Variants in RARB observed in about 807,000 individuals in gnomAD.
RARB encodes the protein HBV-activated protein.
Under a neutral mutation model 51.9 loss-of-function variants are expected in RARB, and 17 were observed. The observed-to-expected ratio is 0.33, with a 90% CI of 0.22 to 0.49. The LOEUF (loss-of-function observed/expected upper bound fraction) is 0.49, where lower values mean the gene tolerates loss of function less well. Ranked by LOEUF, RARB falls within the 20% of genes least tolerant of loss-of-function variation. The pLI is 0.99. For missense variants in RARB, 369 were observed against 550.8 expected (o/e 0.67, Z 3.30); for synonymous variants, 215 against 195.4 (o/e 1.10, Z -0.84).
At chr3:25,477,283 A>G (rs1696000837) in intron 2 of RARB, among the ~76,000 whole-genome samples, 1 of 152,182 alleles carries the variant, frequency 6.6e-6, no homozygotes, top group Admixed American at 6.5e-5. Context: ...CTAGCTGCCT[A>G]TTGCCATGCT....
intron 2 of RARB, among the ~76,000 whole-genome samples, chr3:25,040,678 G>T (rs1698094408): frequency 6.6e-6 from 1 of 152,036 alleles, no homozygotes; most frequent in South Asian, 2.1e-4. Context: ...GCTTGAACCT[G>T]GGAGGCGGAG....
intron 2 of RARB, among the ~76,000 whole-genome samples, chr3:24,885,031 C>A (rs1703242119): frequency 6.6e-6 from 1 of 152,086 alleles, no homozygotes; most frequent in Non-Finnish European, 1.5e-5. Context: ...TTAGAAGGAC[C>A]TTGACGATTT....
intron 3 of RARB, among the ~76,000 whole-genome samples, chr3:25,558,591 G>A (rs935930295): frequency 2.2e-5 from 3 of 137,764 alleles, no homozygotes; most frequent in East Asian, 2.1e-4. Flanking sequence ...CCTCGCTTAC[G>A]ACTTCAACAG....
chr3:25,407,874 T>C (rs1188122833), intron 5 of RARB, among the ~76,000 whole-genome samples: 1 of 152,150 alleles, frequency 6.6e-6, no homozygotes, highest in Non-Finnish European at 1.5e-5. Context: ...GGATAAATCC[T>C]CAAGCTCTCT....
chr3:25,172,307 A>C (rs1421400069), intron 4 of RARB, among the ~76,000 whole-genome samples: 1 of 152,196 alleles, frequency 6.6e-6, no homozygotes, highest in Non-Finnish European at 1.5e-5. Context: ...GCAGAGGGGC[A>C]AGAGCAGAGA....
intron 3 of RARB, among the ~76,000 whole-genome samples, chr3:25,129,336 G>A (rs74852370): frequency 0.021 from 3,224 of 152,086 alleles, 86 homozygotes; most frequent in African/African-American, 0.065. Flanking sequence ...TAAAGCATCA[G>A]TTACAATTAC....
chr3:25,338,272 C>G (rs1575323376), intron 5 of RARB, among the ~76,000 whole-genome samples: 1 of 152,256 alleles, frequency 6.6e-6, no homozygotes, highest in Non-Finnish European at 1.5e-5. Flanking sequence ...CATGGGAGAG[C>G]AAGAGATAGT....
intron 2 of RARB, among the ~76,000 whole-genome samples, chr3:24,966,274 A>G (rs1696253758): frequency 6.6e-6 from 1 of 152,124 alleles, no homozygotes; most frequent in Non-Finnish European, 1.5e-5. Flanking sequence ...AGGTCAGCCT[A>G]AGGGTAAGAT....
intron 5 of RARB, among the ~76,000 whole-genome samples, chr3:25,295,804 A>G (rs1227689392): frequency 6.6e-6 from 1 of 152,214 alleles, no homozygotes; most frequent in Non-Finnish European, 1.5e-5. Flanking sequence ...ATCTAAATGT[A>G]AGGCAGATCA....
intron 2 of RARB, among the ~76,000 whole-genome samples, chr3:24,935,101 A>G (rs1320869379): frequency 6.6e-6 from 1 of 152,120 alleles, no homozygotes; most frequent in Admixed American, 6.6e-5. Flanking sequence ...CTGTTTATTA[A>G]TGTTTTGTCA....
At chr3:24,840,713 C>G (rs1475019804) in intron 1 of RARB, among the ~76,000 whole-genome samples, 1 of 139,298 alleles carries the variant, frequency 7.2e-6, no homozygotes, top group Non-Finnish European at 1.5e-5. Context: ...CCTACAGAAC[C>G]ATTTTCTTTA....
At chr3:25,001,033 A>C (rs192226022) in intron 2 of RARB, among the ~76,000 whole-genome samples, 1 of 152,236 alleles carries the variant, frequency 6.6e-6, no homozygotes, top group East Asian at 1.9e-4. Flanking sequence ...AGCCATTAAA[A>C]AGTAAATATT....
intron 2 of RARB, among the ~76,000 whole-genome samples, chr3:25,031,463 C>G (rs758717627): frequency 1.3e-5 from 2 of 152,166 alleles, no homozygotes; most frequent in Non-Finnish European, 2.9e-5. Flanking sequence ...AGGCCTCCCC[C>G]TTAGAATGTG....
intron 2 of RARB, among the ~76,000 whole-genome samples, chr3:24,897,870 G>T (rs573159154): frequency 2.6e-5 from 4 of 151,656 alleles, no homozygotes; most frequent in Non-Finnish European, 5.9e-5. Flanking sequence ...ATTGTGAATT[G>T]CCAAGAAGAC....
chr3:25,048,902 G>T (rs749140076), intron 2 of RARB, among the ~76,000 whole-genome samples: 4 of 151,834 alleles, frequency 2.6e-5, no homozygotes, highest in African/African-American at 9.7e-5. Context: ...ACTAGCGCCC[G>T]CCACTGTGCC....
chr3:25,172,648 C>T (rs1700667377), intron 4 of RARB, among the ~76,000 whole-genome samples: 1 of 152,108 alleles, frequency 6.6e-6, no homozygotes, highest in South Asian at 2.1e-4. Flanking sequence ...ACATTGTTTT[C>T]CTGGGATTAC....
intron 2 of RARB, among the ~76,000 whole-genome samples, chr3:25,474,232 A>T (rs894123835): frequency 2.6e-5 from 4 of 152,148 alleles, no homozygotes; most frequent in Non-Finnish European, 4.4e-5. Flanking sequence ...TTATTAGTCA[A>T]ACCCAGTAGG....
intron 1 of RARB, among the ~76,000 whole-genome samples, chr3:25,438,162 TG>T (rs1708511161): frequency 1.3e-5 from 2 of 152,172 alleles, no homozygotes; most frequent in South Asian, 2.1e-4. Context: ...GCATGTGACT[TG>T]TGCATGTCAC....
intron 2 of RARB, among the ~76,000 whole-genome samples, chr3:24,889,601 T>A (rs79052348): frequency 6.6e-6 from 1 of 152,028 alleles, no homozygotes; most frequent in South Asian, 2.1e-4. Context: ...ACTTTTTGTT[T>A]TTAATTTCTA....
Sources: gnomAD v4.1 joint callset for allele counts (sites outside exome capture counted in the v4.1 genomes callset) on GRCh38, gnomAD v4.1.1 for gene constraint, MANE v1.5 for transcripts, NCBI Gene and HGNC (gene_info 2026-07-23, HGNC 2026-07-21) for gene names.